Variants in MEI4 observed in about 807,000 individuals in gnomAD.
MEI4 encodes the protein meiosis-specific protein MEI4.
Under a neutral mutation model 31.4 loss-of-function variants are expected in MEI4, and 27 were observed. The observed-to-expected ratio is 0.86, with a 90% confidence interval of 0.63 to 1.19. The LOEUF is 1.19. Among genes scored for constraint, MEI4 ranks in the 50% most tolerant of loss-of-function variants. The pLI is 0.00. For synonymous variants in MEI4, 122 were observed against 145.4 expected (o/e 0.84, Z 1.16); for missense variants, 329 against 398.9 (o/e 0.82, Z 1.49).
chr6:77,846,059 T>C (rs1330611841), intron 4 of MEI4, among the ~76,000 whole-genome samples: 1 of 152,044 alleles, frequency 6.6e-6, no homozygotes, highest in African/African-American at 2.4e-5. Flanking sequence ...TTTTTCATCA[T>C]TTACTCAATT....
intron 4 of MEI4, among the ~76,000 whole-genome samples, chr6:77,921,332 T>C (rs1231378442): frequency 1.3e-5 from 2 of 151,836 alleles, no homozygotes; most frequent in Non-Finnish European, 2.9e-5. Context: ...TTCTGTAGCT[T>C]CCTCACTTTG....
intron 3 of MEI4, among the ~76,000 whole-genome samples, chr6:77,797,731 C>A (rs1487771228): frequency 6.6e-6 from 1 of 152,150 alleles, no homozygotes; most frequent in Non-Finnish European, 1.5e-5. Flanking sequence ...GCCAGCTTAT[C>A]CCATCTTCTT....
At chr6:77,714,609 G>A (rs528305862) in intron 2 of MEI4, among the ~76,000 whole-genome samples, 1 of 152,202 alleles carries the variant, frequency 6.6e-6, no homozygotes, top group Non-Finnish European at 1.5e-5. Flanking sequence ...GTTTTAAACA[G>A]TGAATGGATT....
At chr6:77,667,423 T>C (rs146758369) in intron 1 of MEI4, among the ~76,000 whole-genome samples, 1 of 152,300 alleles carries the variant, frequency 6.6e-6, no homozygotes, top group Non-Finnish European at 1.5e-5. Flanking sequence ...AAGTACCATA[T>C]ACTTCATGAA....
At chr6:77,736,480 G>A (rs991252747) in intron 2 of MEI4, among the ~76,000 whole-genome samples, 35 of 152,166 alleles carry the variant, frequency 2.3e-4, no homozygotes, top group Non-Finnish European at 4.3e-4. Flanking sequence ...GCAATGCCTC[G>A]CCCTGCTTCG....
At chr6:77,719,191 G>A (rs1442120604) in intron 2 of MEI4, among the ~76,000 whole-genome samples, 2 of 141,976 alleles carry the variant, frequency 1.4e-5, no homozygotes, top group Admixed American at 1.4e-4. Flanking sequence ...CAAATTCATT[G>A]TTTTGTAATA....
intron 2 of MEI4, among the ~76,000 whole-genome samples, chr6:77,696,997 G>C (rs571209857): frequency 1.4e-4 from 22 of 152,292 alleles, no homozygotes; most frequent in African/African-American, 5.1e-4. Flanking sequence ...AGTCTTGGGA[G>C]AGTGTATGTG....
At chr6:77,719,119 C>G (rs1352767061) in intron 2 of MEI4, among the ~76,000 whole-genome samples, 1 of 141,434 alleles carries the variant, frequency 7.1e-6, no homozygotes, top group Non-Finnish European at 1.5e-5. Context: ...TTGGACACGA[C>G]TGAGTTTGTC....
At chr6:77,822,361 T>C (rs1415580966) in intron 3 of MEI4, among the ~76,000 whole-genome samples, 1 of 152,138 alleles carries the variant, frequency 6.6e-6, no homozygotes, top group Non-Finnish European at 1.5e-5. Flanking sequence ...ATGATTCCTG[T>C]ACAGTAGAAA....
chr6:77,925,431 A>G lies in MEI4; in HGVS notation c.*2085A>G, dbSNP rs1421861157. 1.3e-5 allele frequency: 2 copies of G among 151,796 alleles called. No individual in the cohort carries two copies. Among genetic ancestry groups the G allele is most frequent in the Non-Finnish European group, 2.9e-5 (2 of 67,914 alleles). The allele number at this position is 151,796 out of a possible 1,614,324, so 9.4% of individuals were successfully genotyped here. A position where few individuals can be genotyped will look rare whatever the true frequency, so the allele number is the denominator to read the frequency against. On this transcript the variant is annotated 3_prime_UTR_variant, in exon 5 of 5. Transcript: ENST00000684080. ...TGAATGGTGTAGTAAATTAGTATTAAGGTCCAAATCTACTGGTCAAAAAGA... is the reference window on the plus strand; with the variant it reads ...TGAATGGTGTAGTAAATTAGTATTAGGGTCCAAATCTACTGGTCAAAAAGA...
intron 2 of MEI4, among the ~76,000 whole-genome samples, chr6:77,742,516 A>G (rs1405321145): frequency 6.6e-6 from 1 of 152,164 alleles, no homozygotes; most frequent in Non-Finnish European, 1.5e-5. Flanking sequence ...GATTCTGGAT[A>G]TTAGCCCCTT....
At chr6:77,691,810 T>C (rs151082874) in intron 2 of MEI4, among the ~76,000 whole-genome samples, 4 of 152,138 alleles carry the variant, frequency 2.6e-5, no homozygotes, top group Admixed American at 6.6e-5. Context: ...CTGGGTTTAC[T>C]TGAGCAAACT....
intron 2 of MEI4, among the ~76,000 whole-genome samples, chr6:77,707,853 C>T (rs1766365887): frequency 6.6e-6 from 1 of 152,230 alleles, no homozygotes; most frequent in Non-Finnish European, 1.5e-5. Flanking sequence ...TGGCAGCTTC[C>T]ACTTGGTGTT....
chr6:77,773,676 CA>C (rs972390428), intron 3 of MEI4, among the ~76,000 whole-genome samples: 4 of 151,944 alleles, frequency 2.6e-5, no homozygotes, highest in Admixed American at 2.0e-4. Context: ...TGGATTACAT[CA>C]AGTTAAAAAG....
At chr6:77,881,623 C>T (rs970033594) in intron 4 of MEI4, among the ~76,000 whole-genome samples, 2 of 151,866 alleles carry the variant, frequency 1.3e-5, no homozygotes, top group Non-Finnish European at 2.9e-5. Flanking sequence ...ATGTGCTCCT[C>T]ATCTGTTGGT....
chr6:77,782,638 A>T (rs1436835271), intron 3 of MEI4, among the ~76,000 whole-genome samples: 1 of 152,166 alleles, frequency 6.6e-6, no homozygotes, highest in Non-Finnish European at 1.5e-5. Context: ...AAGAGGATGC[A>T]ACTTAGAAAG....
At chr6:77,756,935 C>T (rs1767933080) in intron 2 of MEI4, among the ~76,000 whole-genome samples, 1 of 152,120 alleles carries the variant, frequency 6.6e-6, no homozygotes, top group Admixed American at 6.6e-5. Flanking sequence ...GGCCTCTGGC[C>T]TTAAGGAACT....
intron 3 of MEI4, among the ~76,000 whole-genome samples, chr6:77,764,129 T>C (rs929380629): frequency 7.9e-5 from 12 of 152,164 alleles, no homozygotes; most frequent in African/African-American, 2.9e-4. Flanking sequence ...AGACTTTTGA[T>C]TGCTGATTCA....
intron 3 of MEI4, among the ~76,000 whole-genome samples, chr6:77,796,571 C>G (rs1453806245): frequency 6.6e-6 from 1 of 152,032 alleles, no homozygotes; most frequent in Non-Finnish European, 1.5e-5. Context: ...ACACTAACAA[C>G]AAACTATCTG....
Sources: allele counts gnomAD v4.1 joint callset (sites outside exome capture counted in the v4.1 genomes callset), GRCh38; gene constraint gnomAD v4.1.1; transcripts MANE v1.5; gene names NCBI Gene and HGNC (gene_info 2026-07-23, HGNC 2026-07-21).